PRDM5: variants seen among roughly 807,000 people sequenced by gnomAD.
PRDM5 encodes the protein PR domain zinc finger protein 5.
PRDM5 carries 56 observed loss-of-function variants against 81.2 expected under a neutral mutation model. The observed-to-expected ratio is 0.69, with a 90% CI of 0.56 to 0.86. The LOEUF is 0.86. Ranked by LOEUF, PRDM5 falls within the 40% of genes least tolerant of loss-of-function variation. PRDM5 has a pLI of 0.00. For missense variants in PRDM5, 697 were observed against 770.1 expected (o/e 0.91, Z 1.12); for synonymous variants, 267 against 256.4 (o/e 1.04, Z -0.39).
intron 3 of PRDM5, among the ~76,000 whole-genome samples, chr4:120,844,385 T>A (rs1422942012): frequency 6.6e-6 from 1 of 152,208 alleles, no homozygotes; most frequent in Non-Finnish European, 1.5e-5. Flanking sequence ...CAACTCTACA[T>A]CGAGCTAGTT....
chr4:120,894,981 G>A (rs909741670), intron 2 of PRDM5, among the ~76,000 whole-genome samples: 4 of 151,952 alleles, frequency 2.6e-5, no homozygotes, highest in South Asian at 2.1e-4. Flanking sequence ...CCAAAACATC[G>A]GAAATCCATC....
In PRDM5 at chr4:120,692,940, G is replaced by A. The variant is rs1291738880; in HGVS notation, c.*2171C>T. The stretch of plus-strand genomic sequence containing the variant: ...TATCTGAAACTACCCATGAATACTT[G>A]TCTTTTGGATAAAAATTTACAGCAT... On this transcript the variant is annotated 3_prime_UTR_variant, in exon 16 of 16. Transcript: ENST00000264808. 2 of 152,112 alleles carry A rather than the reference G, an allele frequency of 1.3e-5. No homozygotes were observed. The highest frequency in any genetic ancestry group is 4.8e-5 in the African/African-American group (2 of 41,518). The allele number at this position is 152,112 out of a possible 1,614,324, so 9.4% of individuals were successfully genotyped here. A position where few individuals can be genotyped will look rare whatever the true frequency, so the allele number is the denominator to read the frequency against.
chr4:120,741,112 G>C (rs1160028890), intron 14 of PRDM5, among the ~76,000 whole-genome samples: 1 of 152,062 alleles, frequency 6.6e-6, no homozygotes, highest in Non-Finnish European at 1.5e-5. Context: ...TTTTGCATCT[G>C]TTTCCTAAGC....
At chr4:120,829,025 GA>G (rs2149364764) in intron 3 of PRDM5, among the ~76,000 whole-genome samples, 1 of 152,088 alleles carries the variant, frequency 6.6e-6, no homozygotes, top group South Asian at 2.1e-4. Context: ...AATTTAAAAG[GA>G]AAAGTACATA....
chr4:120,745,028 C>A (rs1742769598), intron 14 of PRDM5, among the ~76,000 whole-genome samples: 1 of 148,998 alleles, frequency 6.7e-6, no homozygotes, highest in Non-Finnish European at 1.5e-5. Flanking sequence ...TGCAAAAATC[C>A]TCAATAAAAT....
intron 14 of PRDM5, among the ~76,000 whole-genome samples, chr4:120,737,392 C>T (rs569048621): frequency 3.2e-4 from 48 of 152,312 alleles, no homozygotes; most frequent in Non-Finnish European, 3.7e-4. Context: ...ACAACCACAG[C>T]AACAAGGAAG....
chr4:120,712,073 G>T (rs1441195537), intron 14 of PRDM5, among the ~76,000 whole-genome samples: 1 of 152,028 alleles, frequency 6.6e-6, no homozygotes, highest in Non-Finnish European at 1.5e-5. Context: ...ATTATCTGAG[G>T]TCAGCAGTTT....
chr4:120,882,363 G>A (rs1762938992), intron 2 of PRDM5, among the ~76,000 whole-genome samples: 1 of 152,286 alleles, frequency 6.6e-6, no homozygotes, highest in East Asian at 1.9e-4. Context: ...GGCCAGGCTG[G>A]TTTCGAACTC....
At chr4:120,835,592 T>G (rs1223270246) in intron 3 of PRDM5, among the ~76,000 whole-genome samples, 2 of 152,252 alleles carry the variant, frequency 1.3e-5, no homozygotes, top group East Asian at 3.9e-4. Flanking sequence ...CTGCACAACC[T>G]CTCTCTCTTT....
chr4:120,895,726 GC>G (rs1764542364), intron 2 of PRDM5: 1 of 152,222 alleles, frequency 6.6e-6, no homozygotes, highest in Admixed American at 6.5e-5. Context: ...TTGTTCTATA[GC>G]CCAGGCTGGC....
chr4:120,810,288 C>T (rs996624290), intron 8 of PRDM5, among the ~76,000 whole-genome samples: 1 of 152,016 alleles, frequency 6.6e-6, no homozygotes, highest in Non-Finnish European at 1.5e-5. Flanking sequence ...AAAGAGGATG[C>T]TTAGAAGAGA....
intron 2 of PRDM5, among the ~76,000 whole-genome samples, chr4:120,865,752 C>G (rs1016246076): frequency 2.6e-5 from 4 of 152,088 alleles, no homozygotes; most frequent in African/African-American, 9.7e-5. Flanking sequence ...TTACACTGTC[C>G]TCATACACTG....
chr4:120,780,544 C>T (rs961836246), intron 12 of PRDM5, among the ~76,000 whole-genome samples: 10 of 151,960 alleles, frequency 6.6e-5, no homozygotes, highest in East Asian at 5.8e-4. Context: ...TTATTGAGCA[C>T]GTAAAAAATA....
At chr4:120,796,776 T>C (rs1019322053) in intron 10 of PRDM5, among the ~76,000 whole-genome samples, 16 of 152,290 alleles carry the variant, frequency 1.1e-4, no homozygotes, top group African/African-American at 3.4e-4. Context: ...GTATCATAAT[T>C]TTTAAATGAT....
At position 120,907,428 on chromosome 4, in the gene PRDM5, T is replaced by C. The variant is rs1259396721; in HGVS notation, c.177+46A>G. The C allele has an allele frequency of 2.8e-6, 4 of 1,428,566 alleles. No homozygotes were observed. The African/African-American group carries it at 5.6e-5, about 20-fold the overall frequency. 88.5% of individuals were successfully genotyped at this position (1,428,566 alleles called of 1,614,324 possible). ...GTAGCCTTAAAAATGCATTAAATGGTACAATACAAATATATTTTTAACATT... is the reference window on the plus strand; with the variant it reads ...GTAGCCTTAAAAATGCATTAAATGGCACAATACAAATATATTTTTAACATT... On this transcript the variant is annotated intron_variant, in intron 2 of 15. Transcript: ENST00000264808.
intron 8 of PRDM5, among the ~76,000 whole-genome samples, chr4:120,808,601 T>C (rs969564815): frequency 1.3e-5 from 2 of 152,136 alleles, no homozygotes; most frequent in African/African-American, 4.8e-5. Flanking sequence ...AGTCCCGCGC[T>C]GTGTGCCCAC....
chr4:120,791,511 A>G (rs952322909), intron 10 of PRDM5, among the ~76,000 whole-genome samples: 1 of 152,226 alleles, frequency 6.6e-6, no homozygotes, highest in African/African-American at 2.4e-5. Flanking sequence ...AGATTTTACA[A>G]GAGATATGAA....
chr4:120,735,868 G>A (rs1333603570), intron 14 of PRDM5, among the ~76,000 whole-genome samples: 1 of 152,132 alleles, frequency 6.6e-6, no homozygotes, highest in African/African-American at 2.4e-5. Context: ...ATATATAAAT[G>A]TATGGGGTAC....
At chr4:120,724,784 C>A (rs561868732) in intron 14 of PRDM5, among the ~76,000 whole-genome samples, 1 of 152,304 alleles carries the variant, frequency 6.6e-6, no homozygotes, top group African/African-American at 2.4e-5. Flanking sequence ...GGTGCTATCA[C>A]ACATGCAGCT....
Sources: allele counts gnomAD v4.1 joint callset (sites outside exome capture counted in the v4.1 genomes callset), GRCh38; gene constraint gnomAD v4.1.1; transcripts MANE v1.5; gene names NCBI Gene and HGNC (gene_info 2026-07-23, HGNC 2026-07-21).